Variants in TECPR2 observed in about 807,000 individuals in gnomAD.
TECPR2 encodes tectonin beta-propeller repeat containing 2.
A neutral mutation model predicts 138.1 loss-of-function variants in TECPR2; 65 were observed. That is an observed-to-expected ratio of 0.47 (90% CI 0.39 to 0.58). The LOEUF (loss-of-function observed/expected upper bound fraction) is 0.58. Among genes scored for constraint, TECPR2 ranks in the 20% least tolerant of loss-of-function variants. The pLI, the probability that TECPR2 is intolerant of heterozygous loss-of-function variation, is 0.00. For missense variants in TECPR2, 1,553 were observed against 1,824.5 expected (o/e 0.85, Z 2.71); for synonymous variants, 746 against 749.8 (o/e 0.99, Z 0.08).
chr14:102,473,463 G>T (rs1487511526), intron 17 of TECPR2, among the ~76,000 whole-genome samples: 3 of 152,166 alleles, frequency 2.0e-5, no homozygotes, highest in Non-Finnish European at 2.9e-5. Context: ...TGTTTTATTT[G>T]TTCTTCGACT....
At chr14:102,438,376 A>G (rs1889739030) in intron 10 of TECPR2, 171 bp downstream of exon 10, 3 of 742,640 alleles carry the variant, frequency 4.0e-6, no homozygotes, top group Non-Finnish European at 6.2e-6. Context: ...GGTTGTCTCC[A>G]AAGAACGTGA....
chr14:102,438,606 G>C (rs969933263), intron 10 of TECPR2: 1 of 176,080 alleles, frequency 5.7e-6, no homozygotes, highest in African/African-American at 2.4e-5. Flanking sequence ...CCGAACTAAC[G>C]AAGACGGGCC....
At chr14:102,411,404 C>T (rs1296389012) in intron 4 of TECPR2, among the ~76,000 whole-genome samples, 2 of 152,244 alleles carry the variant, frequency 1.3e-5, no homozygotes, top group African/African-American at 4.8e-5. Context: ...TATGCCCTGC[C>T]CCGCCTTAAC....
chr14:102,367,799 CTG>C (rs1887384257), intron 1 of TECPR2, among the ~76,000 whole-genome samples: 1 of 152,088 alleles, frequency 6.6e-6, no homozygotes, highest in Non-Finnish European at 1.5e-5. Context: ...CATGGTAACT[CTG>C]TAACCTTTTG....
intron 7 of TECPR2, 113 bp downstream of exon 7, chr14:102,428,495 T>C (rs749689920): frequency 2.7e-6 from 4 of 1,501,906 alleles, no homozygotes; most frequent in Non-Finnish European, 3.6e-6. Context: ...GCATGGTGGC[T>C]CACGCCTGTA....
intron 15 of TECPR2, among the ~76,000 whole-genome samples, chr14:102,452,085 C>T (rs958895371): frequency 1.3e-5 from 2 of 152,162 alleles, no homozygotes; most frequent in Non-Finnish European, 2.9e-5. Context: ...ACTTCTCAGC[C>T]CATGAAAAAT....
At chr14:102,495,853 C>T (rs1039978056) in intron 17 of TECPR2, among the ~76,000 whole-genome samples, 1 of 152,184 alleles carries the variant, frequency 6.6e-6, no homozygotes, top group African/African-American at 2.4e-5. Flanking sequence ...GAGCAGCCGG[C>T]GGGTGAGGAT....
chr14:102,399,015 C>A (rs1045249996), intron 2 of TECPR2, among the ~76,000 whole-genome samples: 48 of 152,170 alleles, frequency 3.2e-4, no homozygotes, highest in African/African-American at 1.2e-3. Flanking sequence ...ATAATCCCAG[C>A]ACTTTGGGAG....
intron 2 of TECPR2, among the ~76,000 whole-genome samples, chr14:102,386,943 A>G (rs1265008393): frequency 6.6e-6 from 1 of 152,124 alleles, no homozygotes; most frequent in African/African-American, 2.4e-5. Context: ...TTGCCTAACC[A>G]TTGTGCTTAC....
intron 9 of TECPR2, 113 bp downstream of exon 9, chr14:102,435,324 A>G: frequency 7.0e-7 from 1 of 1,425,098 alleles, no homozygotes; most frequent in Non-Finnish European, 9.3e-7. Context: ...CCTACTGCAA[A>G]ATCCGTAGGC....
intron 5 of TECPR2, among the ~76,000 whole-genome samples, chr14:102,421,807 G>A (rs1018703614): frequency 6.6e-6 from 1 of 152,172 alleles, no homozygotes; most frequent in African/African-American, 2.4e-5. Flanking sequence ...ATGGGAAACG[G>A]GTCCAGAAAA....
Position 102,406,236 on chromosome 14 carries a change from GT to G in TECPR2, c.220-1101del, listed in dbSNP as rs992603913. ...GGATACTGGTAATTTTACGTTATGTGTATTTTAACATTAAAAAATTGGGGGA... is the reference window on the plus strand; with the variant it reads ...GGATACTGGTAATTTTACGTTATGTGATTTTAACATTAAAAAATTGGGGGA... On this transcript the variant is annotated intron_variant, in intron 2 of 19. Coordinates refer to ENST00000359520, the MANE Select transcript of TECPR2 (RefSeq NM_014844.5). 3.2e-4 allele frequency among the ~76,000 whole-genome samples: 48 copies of G among 152,236 alleles called. 1 individual carries two copies. Among genetic ancestry groups the G allele is most frequent in the African/African-American group, 1.1e-3 (46 of 41,554 alleles).
chr14:102,382,019 C>G (rs945833173), intron 2 of TECPR2, among the ~76,000 whole-genome samples: 1 of 152,060 alleles, frequency 6.6e-6, no homozygotes, highest in South Asian at 2.1e-4. Flanking sequence ...ATAGGCCGGG[C>G]ACGGTGGCTC....
chr14:102,460,328 A>G (rs2139765717), intron 16 of TECPR2, among the ~76,000 whole-genome samples: 1 of 151,808 alleles, frequency 6.6e-6, no homozygotes, highest in African/African-American at 2.4e-5. Context: ...TAATTAAAAA[A>G]CAAGGCCAGG....
At chr14:102,454,702 G>A (rs911153127) in intron 16 of TECPR2, among the ~76,000 whole-genome samples, 3 of 152,204 alleles carry the variant, frequency 2.0e-5, no homozygotes, top group Non-Finnish European at 4.4e-5. Flanking sequence ...GGAAAATGCC[G>A]CTAGTTCCCT....
rs918536664 is a variant in TECPR2, at chr14:102,501,801, G to A, written c.*3544G>A. 2 of 152,166 alleles carry A rather than the reference G, an allele frequency of 1.3e-5. No homozygotes were observed. Among genetic ancestry groups the A allele is most frequent in the Non-Finnish European group, 2.9e-5 (2 of 68,024 alleles). The allele number at this position is 152,166 out of a possible 1,614,324, so 9.4% of individuals were successfully genotyped here. ...ATATATTTATTAAAAACCAATAGGA[G>A]GAGCACTTCGAGTCGAGTGTAAGGG... On this transcript the variant is annotated 3_prime_UTR_variant, in exon 20 of 20. Coordinates refer to ENST00000359520, the MANE Select transcript of TECPR2 (RefSeq NM_014844.5).
intron 2 of TECPR2, among the ~76,000 whole-genome samples, chr14:102,396,698 G>A (rs1459665149): frequency 6.6e-6 from 1 of 152,112 alleles, no homozygotes; most frequent in African/African-American, 2.4e-5. Flanking sequence ...GGTTAATTTT[G>A]GTCAGTTTCA....
intron 9 of TECPR2, 40 bp downstream of exon 9, chr14:102,435,251 C>G: frequency 6.4e-7 from 1 of 1,552,884 alleles, no homozygotes; most frequent in Non-Finnish European, 8.7e-7. Flanking sequence ...GCTGAGGCTT[C>G]TTTCTTAAGG....
At chr14:102,386,923 G>A (rs12879435) in intron 2 of TECPR2, among the ~76,000 whole-genome samples, 46,184 of 152,000 alleles carry the variant, frequency 0.3, 7,283 homozygotes, top group Middle Eastern at 0.37. Flanking sequence ...TTCAAGGCAC[G>A]TATCTCTGAT....
Sources: gnomAD v4.1 joint callset for allele counts (sites outside exome capture counted in the v4.1 genomes callset) on GRCh38, gnomAD v4.1.1 for gene constraint, MANE v1.5 for transcripts, NCBI Gene and HGNC (gene_info 2026-07-23, HGNC 2026-07-21) for gene names.